The following TTC27 variants were observed in gnomAD, a reference collection of about 807,000 sequenced individuals.
The protein encoded by TTC27 is tetratricopeptide repeat protein 27.
Under a neutral mutation model 115.9 loss-of-function variants are expected in TTC27, and 79 were observed. The observed-to-expected ratio is 0.68, with a 90% CI of 0.57 to 0.82. The LOEUF is 0.82. Among genes scored for constraint, TTC27 ranks in the 40% least tolerant of loss-of-function variants. The pLI, the probability that TTC27 is intolerant of heterozygous loss-of-function variation, is 0.00. For synonymous variants in TTC27, 401 were observed against 356.0 expected, an observed-to-expected ratio of 1.13 and a Z score of -1.42; for missense variants, 1,054 against 993.1, an observed-to-expected ratio of 1.06 and a Z score of -0.82.
At position 32,733,685 on chromosome 2, in the gene TTC27, A is replaced by G. The variant is rs144670821; in HGVS notation, c.1234-143A>G. ...TTGAACATTTAAAGAAATTCGAGAAAAAATTCACACATCCTATCACCTTAT... is the reference window on the plus strand; with the variant it reads ...TTGAACATTTAAAGAAATTCGAGAAGAAATTCACACATCCTATCACCTTAT... On this transcript the variant is annotated intron_variant, in intron 10 of 19. Transcript: ENST00000317907. 1.9e-3 allele frequency: 838 copies of G among 447,024 alleles called. 11 individuals carry two copies. Among genetic ancestry groups the G allele is most frequent in the African/African-American group, 0.016 (793 of 49,300 alleles). 27.7% of individuals were successfully genotyped at this position (447,024 alleles called of 1,614,324 possible).
At chr2:32,781,092 G>A (rs220648) in intron 14 of TTC27, among the ~76,000 whole-genome samples, 27,133 of 152,130 alleles carry the variant, frequency 0.18, 2,482 homozygotes, top group Admixed American at 0.25. Context: ...TTCCATTGAT[G>A]AGGGATGGCA....
chr2:32,768,141 T>A (rs116337966), intron 13 of TTC27, among the ~76,000 whole-genome samples: 1,814 of 152,354 alleles, frequency 0.012, 33 homozygotes, highest in African/African-American at 0.041. Flanking sequence ...TAATAGATTA[T>A]GGAAATGTAC....
chr2:32,739,729 T>A lies in TTC27; in HGVS notation c.1452+2913T>A, dbSNP rs577678952. Among the ~76,000 whole-genome samples the A allele has an allele frequency of 1.2e-4, 19 of 152,284 alleles. No homozygotes were observed. In the East Asian group the frequency reaches 3.7e-3, roughly 29 times the overall value. Reference sequence around the variant, plus strand: ...GTTTTTCTTATGCTATATTTGCAGATTTTTTAAACCATAGACCCTAAAAAG... The same window carrying A: ...GTTTTTCTTATGCTATATTTGCAGAATTTTTAAACCATAGACCCTAAAAAG... On this transcript the variant is annotated intron_variant, in intron 12 of 19. Transcript: ENST00000317907.
At chr2:32,689,006 T>C (rs1428415846) in intron 9 of TTC27, among the ~76,000 whole-genome samples, 4 of 152,096 alleles carry the variant, frequency 2.6e-5, no homozygotes, top group Non-Finnish European at 5.9e-5. Flanking sequence ...CATGTATCCC[T>C]CTCATGAAAT....
At chr2:32,806,378 T>C (rs1671128292) in intron 16 of TTC27, among the ~76,000 whole-genome samples, 1 of 152,218 alleles carries the variant, frequency 6.6e-6, no homozygotes, top group Non-Finnish European at 1.5e-5. Context: ...AATATCTATT[T>C]TCTAAAGAAA....
intron 9 of TTC27, among the ~76,000 whole-genome samples, 160 bp from the exon 10 acceptor site, chr2:32,702,647 T>C (rs1209958693): frequency 1.3e-5 from 2 of 152,216 alleles, no homozygotes; most frequent in Non-Finnish European, 2.9e-5. Flanking sequence ...ATTTCTGTAA[T>C]ACAAATTGAG....
At chr2:32,761,209 T>C (rs1005050597) in intron 13 of TTC27, among the ~76,000 whole-genome samples, 3 of 152,128 alleles carry the variant, frequency 2.0e-5, no homozygotes, top group Non-Finnish European at 4.4e-5. Context: ...CCATCCAACC[T>C]TGGAGTCATG....
chr2:32,740,452 G>GA, intron 12 of TTC27, among the ~76,000 whole-genome samples: 1 of 52,904 alleles, frequency 1.9e-5, no homozygotes, highest in African/African-American at 7.2e-5. Context: ...TGTTTTGGGG[G>GA]CTTTTTTTTT....
intron 9 of TTC27, among the ~76,000 whole-genome samples, chr2:32,700,101 A>C (rs1014798666): frequency 3.9e-5 from 6 of 152,158 alleles, no homozygotes; most frequent in African/African-American, 1.4e-4. Context: ...CACTCCGGAG[A>C]GGGATTTTCT....
intron 10 of TTC27, chr2:32,705,024 C>T (rs1667318480): frequency 4.7e-6 from 2 of 427,726 alleles, no homozygotes; most frequent in Non-Finnish European, 9.8e-6. Flanking sequence ...TTGTTCCCTC[C>T]GTATCTCTTG....
chr2:32,729,276 T>C (rs1668212876), intron 10 of TTC27, among the ~76,000 whole-genome samples: 1 of 152,234 alleles, frequency 6.6e-6, no homozygotes, highest in Admixed American at 6.5e-5. Flanking sequence ...TTTTTCAGAA[T>C]TGTCCTTTTT....
At chr2:32,639,106 A>G (rs1664540551) in intron 3 of TTC27, among the ~76,000 whole-genome samples, 1 of 152,150 alleles carries the variant, frequency 6.6e-6, no homozygotes, top group South Asian at 2.1e-4. Flanking sequence ...TGCTGGGATT[A>G]CAGATGTGAG....
At chr2:32,727,188 C>G (rs1003259822) in intron 10 of TTC27, among the ~76,000 whole-genome samples, 4 of 152,192 alleles carry the variant, frequency 2.6e-5, no homozygotes, top group Non-Finnish European at 5.9e-5. Flanking sequence ...AACTTCATAG[C>G]TTCCTAATAT....
chr2:32,788,913 TA>T (rs1223849584), intron 16 of TTC27, among the ~76,000 whole-genome samples: 3 of 152,164 alleles, frequency 2.0e-5, no homozygotes, highest in African/African-American at 7.2e-5. Flanking sequence ...TGGTATGTGG[TA>T]AAATAACAAT....
intron 9 of TTC27, among the ~76,000 whole-genome samples, chr2:32,698,625 GC>G (rs1475709573): frequency 1.3e-5 from 2 of 151,270 alleles, no homozygotes; most frequent in Non-Finnish European, 2.9e-5. Context: ...GACTACAGGC[GC>G]CCCCCACCAC....
At position 32,664,412 on chromosome 2, in the gene TTC27, A is replaced by C; in HGVS notation, c.750A>C (p.Ala250=). 6.2e-7 allele frequency: 1 copy of C among 1,612,470 alleles called. No individual in the cohort carries two copies. The highest frequency in any genetic ancestry group is 1.1e-5 in the South Asian group (1 of 90,534). The part of the protein sequence containing the change: ...VFLYYYEYRK[A]KDQLDIAKDI... ...TATATTATTATGAGTACAGAAAAGC[A>C]AAAGATCAGTTGGATATTGCTAAGG... The change falls in exon 6 of 20, where the codon GCA becomes GCC. Residue 250 remains alanine (A), a synonymous_variant. Transcript: ENST00000317907.
intron 12 of TTC27, among the ~76,000 whole-genome samples, chr2:32,749,558 T>C (rs1010560197): frequency 6.6e-6 from 1 of 152,248 alleles, no homozygotes; most frequent in African/African-American, 2.4e-5. Flanking sequence ...TTCAGAGTTC[T>C]GAAAAAGTTG....
intron 10 of TTC27, among the ~76,000 whole-genome samples, chr2:32,707,849 G>A (rs568385981): frequency 2.6e-5 from 4 of 152,104 alleles, no homozygotes; most frequent in South Asian, 2.1e-4. Flanking sequence ...TTCAACAAAG[G>A]GTAGCAGAGC....
At chr2:32,703,406 G>T (rs537543066) in intron 10 of TTC27, among the ~76,000 whole-genome samples, 1 of 152,180 alleles carries the variant, frequency 6.6e-6, no homozygotes, top group Admixed American at 6.5e-5. Context: ...GGCAAAGGTC[G>T]CAGTGAGCCG....
Sources: gnomAD v4.1 joint callset for allele counts (sites outside exome capture counted in the v4.1 genomes callset) on GRCh38, gnomAD v4.1.1 for gene constraint, MANE v1.5 for transcripts, NCBI Gene and HGNC (gene_info 2026-07-23, HGNC 2026-07-21) for gene names.